Variants in XKR9 observed in about 807,000 individuals in gnomAD.
XKR9 encodes the protein XK-related protein 9.
XKR9 carries 32 observed loss-of-function variants against 32.0 expected under a neutral mutation model. That is an observed-to-expected ratio of 1.00 (90% CI 0.76 to 1.34). XKR9 has a LOEUF of 1.34. Among genes scored for constraint, XKR9 ranks in the 40% most tolerant of loss-of-function variants. The pLI, the probability that XKR9 is intolerant of heterozygous loss-of-function variation, is 0.00. For missense variants in XKR9, 546 were observed against 429.7 expected (o/e 1.27, Z -2.39); for synonymous variants, 168 against 143.4 (o/e 1.17, Z -1.22).
At chr8:70,879,013 G>A in the XKR9 span, among the ~76,000 whole-genome samples, 1 of 152,056 alleles carries the variant, frequency 6.6e-6, no homozygotes, top group South Asian at 2.1e-4. Flanking sequence ...ACTCAAAACC[G>A]CATAACTACA....
the XKR9 span, among the ~76,000 whole-genome samples, chr8:70,863,281 T>C: frequency 6.6e-6 from 1 of 152,206 alleles, no homozygotes; most frequent in African/African-American, 2.4e-5. Context: ...ATATTCTTGA[T>C]ACATAAAAGA....
chr8:70,906,170 G>A, the XKR9 span, among the ~76,000 whole-genome samples: 9 of 152,310 alleles, frequency 5.9e-5, no homozygotes, highest in South Asian at 4.1e-4. Flanking sequence ...AGACAGGGGC[G>A]TTTAAGTCTG....
chr8:70,996,185 C>T, the XKR9 span, among the ~76,000 whole-genome samples: 1 of 152,170 alleles, frequency 6.6e-6, no homozygotes, highest in East Asian at 1.9e-4. Context: ...ACATGCAGAA[C>T]AGTACCTAGA....
At chr8:70,821,647 C>T in the XKR9 span, among the ~76,000 whole-genome samples, 8 of 152,224 alleles carry the variant, frequency 5.3e-5, no homozygotes, top group African/African-American at 1.9e-4. Context: ...TTGACTTTTG[C>T]GTGCCTTCAC....
chr8:70,771,384 C>T (rs912016988), intron 2 of XKR9, among the ~76,000 whole-genome samples: 1 of 152,148 alleles, frequency 6.6e-6, no homozygotes, highest in African/African-American at 2.4e-5. Flanking sequence ...TTTTACAAAG[C>T]CTGACTTTCA....
At chr8:70,935,508 T>C in the XKR9 span, among the ~76,000 whole-genome samples, 3 of 151,900 alleles carry the variant, frequency 2.0e-5, no homozygotes, top group Non-Finnish European at 2.9e-5. Flanking sequence ...TATATGAGAG[T>C]GTATTTCCCC....
chr8:70,690,248 C>T (rs1318434128), intron 3 of XKR9, among the ~76,000 whole-genome samples: 1 of 152,080 alleles, frequency 6.6e-6, no homozygotes, highest in African/African-American at 2.4e-5. Flanking sequence ...CTGTTCCTCT[C>T]CCTCCTTCCA....
the XKR9 span, among the ~76,000 whole-genome samples, chr8:70,839,432 TTAAA>T: frequency 6.6e-6 from 1 of 152,132 alleles, no homozygotes; most frequent in Admixed American, 6.6e-5. Flanking sequence ...GACTTGGTGT[TTAAA>T]TACGTGCTCA....
At chr8:70,674,090 G>C (rs1818807559) in intron 1 of XKR9, among the ~76,000 whole-genome samples, 1 of 151,608 alleles carries the variant, frequency 6.6e-6, no homozygotes, top group Non-Finnish European at 1.5e-5. Flanking sequence ...GAGTGCTTGA[G>C]CCCAGGAGTT....
chr8:70,963,862 A>G, the XKR9 span, among the ~76,000 whole-genome samples: 1 of 152,172 alleles, frequency 6.6e-6, no homozygotes, highest in South Asian at 2.1e-4. Context: ...TAGATACTGG[A>G]TATTAGACCT....
chr8:70,719,580 T>TTTTTGTCAAAGATC (rs1806206990), intron 4 of XKR9, among the ~76,000 whole-genome samples: 1 of 151,580 alleles, frequency 6.6e-6, no homozygotes, highest in Non-Finnish European at 1.5e-5. Context: ...TCTTTGCTTG[T>TTTTTGTCAAAGATC]TTTTGTCAAA....
At chr8:71,021,628 G>T in the XKR9 span, among the ~76,000 whole-genome samples, 4 of 150,318 alleles carry the variant, frequency 2.7e-5, no homozygotes, top group Non-Finnish European at 4.4e-5. Context: ...TCAGCCTCCC[G>T]TGTAGCTGGG....
In XKR9 at chr8:70,774,492, G is replaced by A. The variant is rs75771890; in HGVS notation, n.353-14847G>A. Among the ~76,000 whole-genome samples, 451 of 152,130 alleles carry A rather than the reference G, an allele frequency of 3.0e-3. 1 individual carries two copies. The highest frequency in any genetic ancestry group is 0.01 in the African/African-American group (429 of 41,514). On this transcript the variant is annotated intron_variant and non_coding_transcript_variant, in intron 2 of 3. Coordinates refer to the XKR9 transcript ENST00000520273. Reference sequence around the variant, plus strand: ...CAAGTCAATATTTGCCTACCCTTCAGTCTTAAAGATTTTCTCCTTTGTTTT... The same window carrying A: ...CAAGTCAATATTTGCCTACCCTTCAATCTTAAAGATTTTCTCCTTTGTTTT...
the XKR9 span, among the ~76,000 whole-genome samples, chr8:71,022,085 T>C: frequency 3.3e-5 from 5 of 152,358 alleles, no homozygotes; most frequent in Admixed American, 6.5e-5. Context: ...ATTTATTGAA[T>C]AGGGAGTCCA....
At chr8:70,690,570 A>T (rs1819480232) in intron 3 of XKR9, among the ~76,000 whole-genome samples, 2 of 150,152 alleles carry the variant, frequency 1.3e-5, no homozygotes, top group South Asian at 4.2e-4. Context: ...GCTGGTTTCG[A>T]ACCCCTGAGC....
the XKR9 span, among the ~76,000 whole-genome samples, chr8:70,853,433 C>T: frequency 2.6e-5 from 4 of 151,568 alleles, no homozygotes; most frequent in African/African-American, 4.8e-5. Context: ...TGTACATCTA[C>T]CATATACTCA....
chr8:70,707,154 G>T lies in XKR9; in HGVS notation c.493+1G>T. The T allele has an allele frequency of 6.2e-7, 1 of 1,611,776 alleles. No homozygotes were observed. The highest frequency in any genetic ancestry group is 2.2e-5 in the East Asian group (1 of 44,834). On this transcript the variant is annotated splice_donor_variant, in intron 4 of 4. Transcript: ENST00000408926. LOFTEE classifies it high-confidence loss of function. The stretch of plus-strand genomic sequence containing the variant: ...CATGGACAAGCGAATTTCAGTCAGT[G>T]TAAGTTTTTCTTAACTCCTTGTGTT...
chr8:71,038,132 C>G, the XKR9 span, among the ~76,000 whole-genome samples: 9 of 152,124 alleles, frequency 5.9e-5, no homozygotes, highest in African/African-American at 2.2e-4. Flanking sequence ...ATCAGACTAA[C>G]TTACAAATTG....
the XKR9 span, among the ~76,000 whole-genome samples, chr8:70,951,243 A>T: frequency 6.6e-6 from 1 of 152,340 alleles, no homozygotes; most frequent in East Asian, 1.9e-4. Flanking sequence ...TTTTATTCCT[A>T]AGTTCTGTTT....
Sources: gnomAD v4.1 joint callset for allele counts (sites outside exome capture counted in the v4.1 genomes callset) on GRCh38, gnomAD v4.1.1 for gene constraint, MANE v1.5 for transcripts, NCBI Gene and HGNC (gene_info 2026-07-23, HGNC 2026-07-21) for gene names.